SCHIP1: variants seen among roughly 807,000 people sequenced by gnomAD.
The protein encoded by SCHIP1 is schwannomin interacting protein 1.
Under a neutral mutation model 29.7 loss-of-function variants are expected in SCHIP1, and 8 were observed. The observed-to-expected ratio is 0.27, with a 90% CI of 0.16 to 0.49. The LOEUF (loss-of-function observed/expected upper bound fraction) is 0.49, where lower values mean the gene tolerates loss of function less well. SCHIP1 is among the 20% of genes least tolerant of loss of function. The probability of loss-of-function intolerance (pLI) is 0.99; values close to 1 mark genes in which losing one functional copy is unlikely to be tolerated. For synonymous variants in SCHIP1, 76 were observed against 94.9 expected (o/e 0.80, Z 1.16); for missense variants, 193 against 294.6 (o/e 0.66, Z 2.52).
At chr3:159,374,352 C>T in the SCHIP1 span, among the ~76,000 whole-genome samples, 1 of 151,970 alleles carries the variant, frequency 6.6e-6, no homozygotes, top group Non-Finnish European at 1.5e-5. Flanking sequence ...TGGCAAAGTA[C>T]TGATTTAACA....
chr3:159,518,076 A>G, the SCHIP1 span, among the ~76,000 whole-genome samples: 1 of 152,190 alleles, frequency 6.6e-6, no homozygotes, highest in African/African-American at 2.4e-5. Flanking sequence ...AACCAGAGCT[A>G]CATGCAATAA....
chr3:159,859,564 C>G (rs1252767855), intron 1 of SCHIP1, among the ~76,000 whole-genome samples: 1 of 152,154 alleles, frequency 6.6e-6, no homozygotes, highest in Non-Finnish European at 1.5e-5. Context: ...GGTGATGATG[C>G]CAGATATCAC....
the SCHIP1 span, among the ~76,000 whole-genome samples, chr3:159,601,443 T>C: frequency 2.0e-5 from 3 of 152,010 alleles, no homozygotes; most frequent in African/African-American, 7.2e-5. Context: ...GCCAGTTAGG[T>C]TGTAGTTGTT....
the SCHIP1 span, among the ~76,000 whole-genome samples, chr3:159,592,915 A>G: frequency 6.6e-6 from 1 of 152,040 alleles, no homozygotes; most frequent in African/African-American, 2.4e-5. Context: ...GCCTAACCTT[A>G]TAAAAATAAA....
At chr3:159,275,625 T>A in the SCHIP1 span, among the ~76,000 whole-genome samples, 885 of 152,344 alleles carry the variant, frequency 5.8e-3, 5 homozygotes, top group African/African-American at 0.02. Context: ...TATTTATAAC[T>A]ATTATCCAGC....
the SCHIP1 span, among the ~76,000 whole-genome samples, chr3:159,357,976 G>C: frequency 6.6e-6 from 1 of 152,220 alleles, no homozygotes; most frequent in Non-Finnish European, 1.5e-5. Flanking sequence ...GCACACAGAG[G>C]GGAAAGCTGT....
chr3:159,616,830 G>T, the SCHIP1 span, among the ~76,000 whole-genome samples: 2 of 152,196 alleles, frequency 1.3e-5, no homozygotes, highest in Non-Finnish European at 2.9e-5. Flanking sequence ...GCCACCATCT[G>T]GAACAGCCGC....
chr3:159,720,457 TAGA>T, the SCHIP1 span, among the ~76,000 whole-genome samples: 3 of 152,288 alleles, frequency 2.0e-5, no homozygotes, highest in South Asian at 2.1e-4. Flanking sequence ...CAGTAAATAT[TAGA>T]AGGAGCTATA....
chr3:159,716,450 A>T, the SCHIP1 span, among the ~76,000 whole-genome samples: 2 of 152,202 alleles, frequency 1.3e-5, no homozygotes, highest in African/African-American at 4.8e-5. Context: ...AAAGACACAG[A>T]CTGGCAAATT....
At chr3:159,276,369 A>G in the SCHIP1 span, among the ~76,000 whole-genome samples, 1 of 152,090 alleles carries the variant, frequency 6.6e-6, no homozygotes, top group Non-Finnish European at 1.5e-5. Flanking sequence ...ATTGATTCCA[A>G]ATGGGTTCTA....
chr3:159,328,008 T>C, the SCHIP1 span, among the ~76,000 whole-genome samples: 31 of 152,258 alleles, frequency 2.0e-4, no homozygotes, highest in African/African-American at 7.2e-4. Context: ...ACTAAATGAG[T>C]TCTGTCCAAT....
At chr3:159,804,731 T>TAC in the SCHIP1 span, among the ~76,000 whole-genome samples, 6 of 152,324 alleles carry the variant, frequency 3.9e-5, no homozygotes, top group African/African-American at 1.4e-4. Flanking sequence ...AGTGATGAGA[T>TAC]TGGTTGGCTC....
the SCHIP1 span, among the ~76,000 whole-genome samples, chr3:159,372,582 A>G: frequency 3.3e-5 from 5 of 151,986 alleles, no homozygotes; most frequent in Non-Finnish European, 7.4e-5. Flanking sequence ...AATCAATTGC[A>G]TTTTGATTTC....
chr3:159,601,269 A>T, the SCHIP1 span, among the ~76,000 whole-genome samples: 1 of 152,108 alleles, frequency 6.6e-6, no homozygotes, highest in Non-Finnish European at 1.5e-5. Context: ...CTTGAGTGGT[A>T]TGGGCTGGTA....
At chr3:159,531,972 G>C in the SCHIP1 span, among the ~76,000 whole-genome samples, 1 of 152,194 alleles carries the variant, frequency 6.6e-6, no homozygotes, top group Non-Finnish European at 1.5e-5. Flanking sequence ...TGGAGATTCT[G>C]AAGTATGCAC....
the SCHIP1 span, among the ~76,000 whole-genome samples, chr3:159,828,443 A>ATATATATGTATATATATACG: frequency 1.0e-5 from 1 of 100,480 alleles, no homozygotes; most frequent in Admixed American, 1.0e-4. Context: ...ATATATACGT[A>ATATATATGTATATATATACG]TATATATACG....
chr3:159,288,586 T>C, the SCHIP1 span, among the ~76,000 whole-genome samples: 1 of 151,980 alleles, frequency 6.6e-6, no homozygotes, highest in African/African-American at 2.4e-5. Flanking sequence ...AAAAATACAA[T>C]ATTAGCTGGG....
chr3:159,825,089 CTT>C, the SCHIP1 span, among the ~76,000 whole-genome samples: 2 of 152,026 alleles, frequency 1.3e-5, no homozygotes, highest in Non-Finnish European at 2.9e-5. Flanking sequence ...TATCAATAGA[CTT>C]TTTTGAAGTG....
the SCHIP1 span, among the ~76,000 whole-genome samples, chr3:159,475,588 AT>A: frequency 4.6e-5 from 7 of 152,316 alleles, no homozygotes; most frequent in East Asian, 1.3e-3. Flanking sequence ...TTTAAATTAT[AT>A]TCCAATAAAA....
Sources: gnomAD v4.1 joint callset for allele counts (sites outside exome capture counted in the v4.1 genomes callset) on GRCh38, gnomAD v4.1.1 for gene constraint, MANE v1.5 for transcripts, NCBI Gene and HGNC (gene_info 2026-07-23, HGNC 2026-07-21) for gene names.